The following TEAD3 variants were observed in gnomAD, a reference collection of about 807,000 sequenced individuals.
TEAD3 encodes the protein transcriptional enhancer factor TEF-5.
A neutral mutation model predicts 55.6 loss-of-function variants in TEAD3; 15 were observed. The observed-to-expected ratio is 0.27, with a 90% CI of 0.18 to 0.42. The LOEUF is 0.42. Among genes scored for constraint, TEAD3 ranks in the 10% least tolerant of loss-of-function variants. The pLI is 1.00. For missense variants in TEAD3, 407 were observed against 576.8 expected (o/e 0.71, Z 3.01); for synonymous variants, 210 against 232.2 (o/e 0.90, Z 0.87).
exon 6 of TEAD3, chr6:35,478,452 G>A: frequency 6.2e-7 from 1 of 1,613,578 alleles, no homozygotes; most frequent in Non-Finnish European, 8.5e-7. Flanking sequence ...AAGTGGAGAA[G>A]ACGGCCTGGG....
chr6:35,494,819 C>T (rs1233948199), intron 1 of TEAD3, among the ~76,000 whole-genome samples: 4 of 152,112 alleles, frequency 2.6e-5, no homozygotes, highest in South Asian at 2.1e-4. Context: ...CCCATGACCA[C>T]TTCAGAGGCA....
At position 35,484,332 on chromosome 6, in the gene TEAD3, A is replaced by G. The variant is rs1768324046; in HGVS notation, c.267+228T>C. Among the ~76,000 whole-genome samples the G allele has an allele frequency of 6.6e-6, 1 of 152,098 alleles. No homozygotes were observed. The highest frequency in any genetic ancestry group is 6.6e-5 in the Admixed American group (1 of 15,266). On this transcript the variant is annotated intron_variant, in intron 3 of 12. Coordinates refer to ENST00000639578, the Ensembl canonical transcript of TEAD3. This position sits in a 1 kb window ranked among gnomAD's most constrained non-coding sequence, Gnocchi z 5.8. ...TGGGCAGGGTAGTAGGTGGTCAGAG[A>G]GGACAGTGGGGCCATCTCTCCAAGA...
chr6:35,484,439 A>C lies in TEAD3; in HGVS notation c.267+121T>G, dbSNP rs1768326294. The C allele has an allele frequency of 1.1e-6, 1 of 890,014 alleles. No homozygotes were observed. Among genetic ancestry groups the C allele is most frequent in the Non-Finnish European group, 1.8e-6 (1 of 555,424 alleles). The allele number at this position is 890,014 out of a possible 1,614,324, so 55.1% of individuals were successfully genotyped here. ...GTAAGGGGAGTGTGATGAGGCAAGGAGGGTGGCAGTCCAGGTCAGGGGCAG... is the reference window on the plus strand; with the variant it reads ...GTAAGGGGAGTGTGATGAGGCAAGGCGGGTGGCAGTCCAGGTCAGGGGCAG... On this transcript the variant is annotated intron_variant, in intron 3 of 12. Transcript: ENST00000639578. The surrounding 1 kb of genome is among the most constrained non-coding windows in gnomAD (Gnocchi z 5.8).
Position 35,474,971 on chromosome 6 carries a change from C to G in TEAD3, c.*73G>C, listed in dbSNP as rs545093465. 1.3e-4 allele frequency: 167 copies of G among 1,316,772 alleles called. No homozygotes were observed. In the East Asian group the frequency reaches 4.1e-3, roughly 32 times the overall value. 81.6% of individuals were successfully genotyped at this position (1,316,772 alleles called of 1,614,324 possible). A position where few individuals can be genotyped will look rare whatever the true frequency, so the allele number is the denominator to read the frequency against. ...GGTAGATGAATCCTCAATCCTGGAC[C>G]CCCCCAGGGGTGCCAGGCAGGTGTG... On this transcript the variant is annotated 3_prime_UTR_variant, in exon 13 of 13. Transcript: ENST00000639578.
In TEAD3 at chr6:35,484,465, C is replaced by T; in HGVS notation, c.267+95G>A. 7.9e-7 allele frequency: 1 copy of T among 1,263,786 alleles called. No homozygotes were observed. Among genetic ancestry groups the T allele is most frequent in the Non-Finnish European group, 1.1e-6 (1 of 888,774 alleles). The allele number at this position is 1,263,786 out of a possible 1,614,324, so 78.3% of individuals were successfully genotyped here. On this transcript the variant is annotated intron_variant, in intron 3 of 12. Transcript: ENST00000639578. This position sits in a 1 kb window ranked among gnomAD's most constrained non-coding sequence, Gnocchi z 5.8. ...GGGTGGCAGTCCAGGTCAGGGGCAG[C>T]CTCGAGGAGGTGGGCAGGGTAGGGG...
chr6:35,475,881 G>A lies in TEAD3; in HGVS notation c.900+38C>T, dbSNP rs1768135292. The A allele has an allele frequency of 6.6e-7, 1 of 1,509,772 alleles. No homozygotes were observed. Among genetic ancestry groups the A allele is most frequent in the African/African-American group, 1.4e-5 (1 of 71,680 alleles). 93.5% of individuals were successfully genotyped at this position (1,509,772 alleles called of 1,614,324 possible). A position where few individuals can be genotyped will look rare whatever the true frequency, so the allele number is the denominator to read the frequency against. On this transcript the variant is annotated intron_variant, in intron 10 of 12. Transcript: ENST00000639578. The surrounding 1 kb of genome is among the most constrained non-coding windows in gnomAD (Gnocchi z 5.4). ...CTGGATGTTGCACCTCTGGGGTGGG[G>A]AAGGGGGCTTGGAGCAGAGAAGGCC...
At chr6:35,492,636 C>T (rs1290134546) in intron 1 of TEAD3, among the ~76,000 whole-genome samples, 1 of 136,674 alleles carries the variant, frequency 7.3e-6, no homozygotes, top group Non-Finnish European at 1.6e-5. Flanking sequence ...TAATGTGCTT[C>T]CAATTTGGGA....
At chr6:35,495,463 G>A (rs926798137) in intron 1 of TEAD3, among the ~76,000 whole-genome samples, 1 of 152,252 alleles carries the variant, frequency 6.6e-6, no homozygotes, top group South Asian at 2.1e-4. Context: ...GACTCATACT[G>A]GCTCCTACCC....
intron 3 of TEAD3, among the ~76,000 whole-genome samples, chr6:35,481,437 CAGTG>C (rs1018138580): frequency 2.0e-4 from 30 of 152,290 alleles, no homozygotes; most frequent in South Asian, 6.2e-4. Context: ...CACAGCCTGA[CAGTG>C]AGTAAGTATG....
chr6:35,476,123 A>G, intron 9 of TEAD3, 31 bp from the exon 10 acceptor site: 3 of 1,543,746 alleles, frequency 1.9e-6, no homozygotes, highest in Non-Finnish European at 2.6e-6. Context: ...GGGTCAGGAG[A>G]GTACTCAGGC....
Position 35,486,405 on chromosome 6 carries a change from G to T in TEAD3, c.202+56C>A, listed in dbSNP as rs528922497. ...CGACGTCACCAAACCGGTTGGGTGA[G>T]AGGGCAGAGAGCAGGGGGAAGGGCC... On this transcript the variant is annotated intron_variant, in intron 2 of 12. Transcript: ENST00000639578. The surrounding 1 kb of genome is among the most constrained non-coding windows in gnomAD (Gnocchi z 7.3). The T allele has an allele frequency of 8.5e-4, 1,323 of 1,559,588 alleles. 19 individuals are homozygous for T. The South Asian group carries it at 0.013, about 15-fold the overall frequency.
chr6:35,490,180 A>G (rs1370633392), intron 1 of TEAD3, among the ~76,000 whole-genome samples: 2 of 152,188 alleles, frequency 1.3e-5, no homozygotes, highest in African/African-American at 4.8e-5. Flanking sequence ...CCCCTCAAGC[A>G]GGCTGTGGCC....
Position 35,479,329 on chromosome 6 carries a change from G to C in TEAD3, c.331-13C>G, listed in dbSNP as rs1392873401. The C allele has an allele frequency of 1.9e-6, 3 of 1,613,908 alleles. No homozygotes were observed. The highest frequency in any genetic ancestry group is 2.7e-5 in the African/African-American group (2 of 74,932). Reference sequence around the variant, plus strand: ...CCAGGTTCATGGCCTGTGAGGGAGAGAAGGAAGATAGATTAGAGGACATGT... The same window carrying C: ...CCAGGTTCATGGCCTGTGAGGGAGACAAGGAAGATAGATTAGAGGACATGT... On this transcript the variant is annotated splice_polypyrimidine_tract_variant and intron_variant, in intron 4 of 12. Coordinates refer to ENST00000639578, the Ensembl canonical transcript of TEAD3.
Position 35,476,637 on chromosome 6 carries a change from G to T in TEAD3, c.593-202C>A, listed in dbSNP as rs2077457. The stretch of plus-strand genomic sequence containing the variant: ...TAGTATATATCAAAAACATTTCCTT[G>T]TGTGTTTAAACAGAAAACACAGAGA... On this transcript the variant is annotated intron_variant, in intron 8 of 12. Transcript: ENST00000639578. Among the ~76,000 whole-genome samples the T allele has an allele frequency of 6.1e-3, 922 of 152,308 alleles. 6 individuals are homozygous for T. The highest frequency in any genetic ancestry group is 0.016 in the African/African-American group (667 of 41,558).
chr6:35,494,115 T>A (rs1194148106), intron 1 of TEAD3, among the ~76,000 whole-genome samples: 1 of 152,148 alleles, frequency 6.6e-6, no homozygotes, highest in Non-Finnish European at 1.5e-5. Context: ...AAGGTTCTCT[T>A]CCACACACAT....
At chr6:35,492,325 C>T (rs1444298368) in intron 1 of TEAD3, among the ~76,000 whole-genome samples, 3 of 152,158 alleles carry the variant, frequency 2.0e-5, no homozygotes, top group Admixed American at 6.5e-5. Flanking sequence ...CTGCCTTTTC[C>T]TCCCTCCTCC....
At chr6:35,479,312 A>G (rs1768218980) in exon 5 of TEAD3, 3 of 1,613,858 alleles carry the variant, frequency 1.9e-6, no homozygotes, top group African/African-American at 1.3e-5. Context: ...TACCAGGTTC[A>G]TGGCCTGTGA....
At chr6:35,479,185 T>C in intron 5 of TEAD3, 120 bp downstream of exon 5, 1 of 1,383,416 alleles carries the variant, frequency 7.2e-7, no homozygotes, top group South Asian at 1.3e-5. Context: ...GCCATTTCGT[T>C]TTTTTAAAAT....
At chr6:35,476,464 C>T in intron 8 of TEAD3, 29 bp from the exon 9 acceptor site, 1 of 1,610,900 alleles carries the variant, frequency 6.2e-7, no homozygotes, top group Non-Finnish European at 8.5e-7. Flanking sequence ...TTTTCATCTG[C>T]ATGGATGCAT....
Sources: allele counts gnomAD v4.1 joint callset (sites outside exome capture counted in the v4.1 genomes callset), GRCh38; gene constraint gnomAD v4.1.1; non-coding constraint Gnocchi (gnomAD v3.1); transcripts MANE v1.5; gene names NCBI Gene and HGNC (gene_info 2026-07-23, HGNC 2026-07-21).